ABI2: variants seen among roughly 807,000 people sequenced by gnomAD.
ABI2 encodes abelson interactor 2.
ABI2 carries 25 observed loss-of-function variants against 59.2 expected under a neutral mutation model. The ratio of observed to expected loss-of-function variants is 0.42; its 90% CI spans 0.31 to 0.59. The LOEUF (loss-of-function observed/expected upper bound fraction) is 0.59, where lower values mean the gene tolerates loss of function less well. ABI2 is among the 20% of genes least tolerant of loss of function. ABI2 has a pLI of 0.14. For synonymous variants in ABI2, 213 were observed against 235.5 expected, an observed-to-expected ratio of 0.90 and a Z score of 0.87; for missense variants, 545 against 681.8, an observed-to-expected ratio of 0.80 and a Z score of 2.23.
chr2:203,351,335 A>G (rs2088210466), intron 1 of ABI2, among the ~76,000 whole-genome samples: 1 of 152,120 alleles, frequency 6.6e-6, no homozygotes, highest in East Asian at 1.9e-4. Flanking sequence ...CTGAATTTCC[A>G]TATAAATTTT....
At chr2:203,337,209 C>CTGTT (rs2076853101) in intron 1 of ABI2, among the ~76,000 whole-genome samples, 1 of 152,174 alleles carries the variant, frequency 6.6e-6, no homozygotes, top group Non-Finnish European at 1.5e-5. Context: ...TAAATTGTCT[C>CTGTT]TGTTTGCAAA....
intron 1 of ABI2, among the ~76,000 whole-genome samples, chr2:203,355,840 A>AAC (rs1403931347): frequency 1.3e-5 from 2 of 151,046 alleles, no homozygotes; most frequent in Admixed American, 6.6e-5. Context: ...AAAAAAAAAA[A>AAC]AAAAAAAAAA....
intron 1 of ABI2, among the ~76,000 whole-genome samples, chr2:203,343,818 T>A (rs2081512485): frequency 6.6e-6 from 1 of 152,192 alleles, no homozygotes; most frequent in African/African-American, 2.4e-5. Context: ...AGTAACAGTT[T>A]TTGTCCAAGT....
At chr2:203,387,732 T>G (rs2096585653) in intron 4 of ABI2, among the ~76,000 whole-genome samples, 1 of 152,262 alleles carries the variant, frequency 6.6e-6, no homozygotes, top group East Asian at 1.9e-4. Context: ...TGCCTGATGA[T>G]AGTTCTGCTA....
intron 1 of ABI2, among the ~76,000 whole-genome samples, chr2:203,330,932 G>A (rs1345760072): frequency 6.6e-6 from 1 of 152,108 alleles, no homozygotes; most frequent in African/African-American, 2.4e-5. Flanking sequence ...GTTGAAAAGA[G>A]AAAAACGTTA....
At chr2:203,425,150 T>G (rs2098388459) in intron 11 of ABI2, among the ~76,000 whole-genome samples, 1 of 152,050 alleles carries the variant, frequency 6.6e-6, no homozygotes, top group African/African-American at 2.4e-5. Context: ...AACTTTCCAC[T>G]TCTAAGCATC....
chr2:203,351,042 AG>A (rs1436907646), intron 1 of ABI2, among the ~76,000 whole-genome samples: 1 of 152,194 alleles, frequency 6.6e-6, no homozygotes, highest in Non-Finnish European at 1.5e-5. Flanking sequence ...GTTGTAAAGT[AG>A]GGGTTCATAT....
chr2:203,395,777 C>G lies in ABI2; in HGVS notation c.847C>G (p.Pro283Ala), dbSNP rs775798093. 1 of 1,591,374 alleles carries G rather than the reference C, an allele frequency of 6.3e-7. No homozygotes were observed. Among genetic ancestry groups the G allele is most frequent in the Non-Finnish European group, 8.6e-7 (1 of 1,169,546 alleles). ...TACTCCATCTCCTCCCAGTGTCTTT[C>G]CAGGTAAAACATTCATGGTGCCTCG... The part of the protein sequence containing the change: ...VPTPSPPSVF[P>A]APAGSAGTPP... The change falls in exon 7 of 12, where the codon CCA becomes GCA. Residue 283 changes from proline to alanine, a missense_variant. Pro to Ala is a conservative substitution (Grantham distance 27). Transcript: ENST00000261018.
At chr2:203,412,320 T>C (rs1346520493) in intron 10 of ABI2, among the ~76,000 whole-genome samples, 2 of 152,168 alleles carry the variant, frequency 1.3e-5, no homozygotes, top group African/African-American at 2.4e-5. Flanking sequence ...ATCTGACACA[T>C]AGCAGGCACT....
chr2:203,387,056 C>CT (rs35497226), intron 4 of ABI2, among the ~76,000 whole-genome samples: 50,602 of 115,920 alleles, frequency 0.44, 11,520 homozygotes, highest in Middle Eastern at 0.6. Context: ...GGCTCCCTTC[C>CT]TTTTTTTTTT....
chr2:203,369,233 T>G (rs538530376), intron 2 of ABI2, among the ~76,000 whole-genome samples: 1 of 152,040 alleles, frequency 6.6e-6, no homozygotes, highest in South Asian at 2.1e-4. Flanking sequence ...TTTTCCATGT[T>G]TGAAGCATTA....
chr2:203,339,874 T>A (rs2078863788), intron 1 of ABI2, among the ~76,000 whole-genome samples: 1 of 152,204 alleles, frequency 6.6e-6, no homozygotes. Context: ...TACCCAAATC[T>A]GCATATACTC....
intron 5 of ABI2, 87 bp from the exon 6 acceptor site, chr2:203,394,613 A>G: frequency 7.4e-7 from 1 of 1,343,294 alleles, no homozygotes; most frequent in Non-Finnish European, 1.0e-6. Flanking sequence ...TCTGATTACA[A>G]ATTGTATCTC....
intron 11 of ABI2, among the ~76,000 whole-genome samples, chr2:203,418,670 G>A (rs993108577): frequency 6.6e-6 from 1 of 152,202 alleles, no homozygotes; most frequent in Non-Finnish European, 1.5e-5. Context: ...ACCCAGCAGC[G>A]ATGACCTGTC....
intron 6 of ABI2, among the ~76,000 whole-genome samples, 192 bp from the exon 7 acceptor site, chr2:203,395,464 C>T (rs1482043286): frequency 1.5e-4 from 22 of 149,804 alleles, no homozygotes; most frequent in African/African-American, 5.1e-4. Context: ...CACACACACA[C>T]ACACACACAC....
chr2:203,373,281 C>T lies in ABI2; in HGVS notation c.285+6237C>T, dbSNP rs570060446. On this transcript the variant is annotated intron_variant, in intron 2 of 11. Coordinates refer to ENST00000261018, the MANE Select transcript of ABI2 (RefSeq NM_001375670.1). ...CTGGAGACCAGCCCGGCCAACACAGCGAAACCCCGTCTCCACCAAAAAAGT... is the reference window on the plus strand; with the variant it reads ...CTGGAGACCAGCCCGGCCAACACAGTGAAACCCCGTCTCCACCAAAAAAGT... Among the ~76,000 whole-genome samples, 580 of 133,926 alleles carry T rather than the reference C, an allele frequency of 4.3e-3. 1 individual carries two copies. The highest frequency in any genetic ancestry group is 0.01 in the African/African-American group (336 of 32,538). 87.9% of individuals were successfully genotyped at this position (133,926 alleles called of 152,430 possible).
chr2:203,371,938 T>C (rs1559249060), intron 2 of ABI2, among the ~76,000 whole-genome samples: 1 of 151,568 alleles, frequency 6.6e-6, no homozygotes, highest in African/African-American at 2.4e-5. Context: ...TATTTATTTA[T>C]TTATTTTTAA....
chr2:203,337,825 G>T (rs944787085), intron 1 of ABI2, among the ~76,000 whole-genome samples: 1 of 152,188 alleles, frequency 6.6e-6, no homozygotes, highest in Non-Finnish European at 1.5e-5. Flanking sequence ...GAGGTCAGGA[G>T]TTCAAGACCA....
At chr2:203,403,672 G>T (rs1246884986) in intron 9 of ABI2, among the ~76,000 whole-genome samples, 1 of 151,230 alleles carries the variant, frequency 6.6e-6, no homozygotes, top group African/African-American at 2.4e-5. Context: ...GGAAAATGAG[G>T]CTGAGGTGAT....
Sources: gnomAD v4.1 joint callset for allele counts (sites outside exome capture counted in the v4.1 genomes callset) on GRCh38, gnomAD v4.1.1 for gene constraint, MANE v1.5 for transcripts, NCBI Gene and HGNC (gene_info 2026-07-23, HGNC 2026-07-21) for gene names.